The following CECR2 variants were observed in gnomAD, a reference collection of about 807,000 sequenced individuals.
The protein encoded by CECR2 is CECR2 histone acetyl-lysine reader.
CECR2 carries 30 observed loss-of-function variants against 154.5 expected under a neutral mutation model. The observed-to-expected ratio is 0.19, with a 90% CI of 0.15 to 0.26. The LOEUF (loss-of-function observed/expected upper bound fraction) is 0.26, where lower values mean the gene tolerates loss of function less well. Ranked by LOEUF, CECR2 falls within the 10% of genes least tolerant of loss-of-function variation. The pLI is 1.00. For missense variants in CECR2, 1,743 were observed against 1,829.3 expected (o/e 0.95, Z 0.86); for synonymous variants, 725 against 683.7 (o/e 1.06, Z -0.94).
At chr22:17,447,300 C>T (rs1049108303) in intron 1 of CECR2, among the ~76,000 whole-genome samples, 2 of 151,816 alleles carry the variant, frequency 1.3e-5, no homozygotes, top group Admixed American at 6.6e-5. Flanking sequence ...CTACAGGCAC[C>T]TGCCACCACG....
chr22:17,412,069 T>C (rs59565790), intron 1 of CECR2, among the ~76,000 whole-genome samples: 181 of 152,346 alleles, frequency 1.2e-3, no homozygotes, highest in African/African-American at 3.8e-3. Context: ...TAGTGGAGTG[T>C]GTAATCTCAA....
rs1353144518 is a variant in CECR2, at chr22:17,421,601, C to T, written c.126+51692C>T. ...CTGCACTCCAGCCTGGGCGACAGAG[C>T]GAGACTCCGTCTCAAAAAAAAAAAA... On this transcript the variant is annotated intron_variant, in intron 1 of 18. Transcript: ENST00000262608. 3.8e-5 allele frequency among the ~76,000 whole-genome samples: 4 copies of T among 103,982 alleles called. No homozygotes were observed. In the Admixed American group the frequency reaches 4.7e-4, roughly 12 times the overall value. The allele number at this position is 103,982 out of a possible 152,430, so 68.2% of individuals were successfully genotyped here.
At chr22:17,410,063 T>C (rs13058225) in intron 1 of CECR2, among the ~76,000 whole-genome samples, 14,000 of 51,554 alleles carry the variant, frequency 0.27, 4,570 homozygotes, top group African/African-American at 0.54. Flanking sequence ...CTCACTGCAA[T>C]CTCCACCTCC....
intron 4 of CECR2, 120 bp from the exon 5 acceptor site, chr22:17,500,511 T>A: frequency 1.4e-6 from 1 of 711,058 alleles, no homozygotes. Flanking sequence ...TGTTCCCTTT[T>A]CCTTTCACTG....
chr22:17,418,230 TTGTC>T (rs1429219508), intron 1 of CECR2, among the ~76,000 whole-genome samples: 1 of 152,218 alleles, frequency 6.6e-6, no homozygotes, highest in African/African-American at 2.4e-5. Context: ...ACAGATAAAT[TTGTC>T]TGTCCTGGAA....
chr22:17,379,610 G>A (rs538168986), intron 1 of CECR2, among the ~76,000 whole-genome samples: 1 of 151,920 alleles, frequency 6.6e-6, no homozygotes, highest in East Asian at 1.9e-4. Context: ...GTGTGTGTGT[G>A]TGTGTGTGTG....
chr22:17,459,256 C>A (rs963690354), intron 1 of CECR2, among the ~76,000 whole-genome samples: 2 of 152,144 alleles, frequency 1.3e-5, no homozygotes, highest in African/African-American at 4.8e-5. Flanking sequence ...GAAAAAAGAT[C>A]CAGAGCAAAG....
chr22:17,448,313 T>C (rs983444893), intron 1 of CECR2, among the ~76,000 whole-genome samples: 2 of 152,168 alleles, frequency 1.3e-5, no homozygotes, highest in African/African-American at 4.8e-5. Context: ...TTAGTTGATA[T>C]AAATAGTCTA....
intron 2 of CECR2, among the ~76,000 whole-genome samples, chr22:17,479,866 G>A (rs1003618658): frequency 1.3e-5 from 2 of 149,290 alleles, no homozygotes; most frequent in Non-Finnish European, 1.5e-5. Flanking sequence ...CTGGGCTCTA[G>A]CAGTCTTCCC....
chr22:17,426,644 A>G (rs2054335561), intron 1 of CECR2, among the ~76,000 whole-genome samples: 1 of 152,262 alleles, frequency 6.6e-6, no homozygotes, highest in Non-Finnish European at 1.5e-5. Flanking sequence ...GGCGTGAGCC[A>G]CTATGCCCGG....
upstream of CECR2, among the ~76,000 whole-genome samples, chr22:17,364,635 G>A (rs576315701): frequency 2.0e-5 from 3 of 152,038 alleles, no homozygotes; most frequent in East Asian, 1.9e-4. Flanking sequence ...CACAAGGTTC[G>A]GAGTTCCAGA....
chr22:17,399,416 ATTT>A (rs67470861), intron 1 of CECR2, among the ~76,000 whole-genome samples: 1,554 of 126,364 alleles, frequency 0.012, 25 homozygotes, highest in African/African-American at 0.043. Context: ...AGTAATGGTG[ATTT>A]TTTTTTTTTT....
At chr22:17,439,259 C>A in intron 1 of CECR2, among the ~76,000 whole-genome samples, 1 of 150,488 alleles carries the variant, frequency 6.6e-6, no homozygotes, top group African/African-American at 2.5e-5. Flanking sequence ...GCTCTGAGTG[C>A]CAGATAATTT....
intron 1 of CECR2, among the ~76,000 whole-genome samples, chr22:17,470,281 T>TA (rs1175087975): frequency 2.8e-5 from 4 of 144,312 alleles, no homozygotes; most frequent in Non-Finnish European, 4.5e-5. Flanking sequence ...CTACTAAAAA[T>TA]AAAAAAAATA....
At chr22:17,547,375 G>A (rs560530073) in intron 16 of CECR2, among the ~76,000 whole-genome samples, 2 of 152,056 alleles carry the variant, frequency 1.3e-5, no homozygotes, top group African/African-American at 2.4e-5. Flanking sequence ...GACTGCAGGT[G>A]CCGGCCACCA....
At chr22:17,479,087 A>G (rs2055260915) in intron 2 of CECR2, among the ~76,000 whole-genome samples, 1 of 152,232 alleles carries the variant, frequency 6.6e-6, no homozygotes, top group Non-Finnish European at 1.5e-5. Context: ...GGTAGCTGAC[A>G]AGTTATGTCT....
chr22:17,542,668 C>A lies in CECR2; in HGVS notation c.2525C>A (p.Pro842Gln). ...HGVPSSGYMR[P>Q]PCKSAGHRLQ... ...GTTCCTTCCTCAGGGTACATGCGACCGCCCTGCAAGTCTGCCGGACATCGG... is the reference window on the plus strand; with the variant it reads ...GTTCCTTCCTCAGGGTACATGCGACAGCCCTGCAAGTCTGCCGGACATCGG... Residue 842 changes from proline (P) to glutamine (Q), a missense_variant, in exon 16 of 19, where the codon CCG becomes CAG. Pro to Gln is a moderately conservative substitution (Grantham distance 76). Around this residue, in one of 4 missense-constraint regions of CECR2, gnomAD observed 1,250 missense variants for 1,192.1 expected, o/e 1.05. Coordinates refer to ENST00000262608, the MANE Select transcript of CECR2 (RefSeq NM_001290047.2). 1 of 1,614,010 alleles carries A rather than the reference C, an allele frequency of 6.2e-7. No individual in the cohort carries two copies. Among genetic ancestry groups the A allele is most frequent in the Non-Finnish European group, 8.5e-7 (1 of 1,179,898 alleles).
At chr22:17,420,383 T>C (rs1316618782) in intron 1 of CECR2, among the ~76,000 whole-genome samples, 1 of 152,192 alleles carries the variant, frequency 6.6e-6, no homozygotes, top group Non-Finnish European at 1.5e-5. Flanking sequence ...GCTTTGAAAA[T>C]GCCATATTCA....
chr22:17,521,310 G>A (rs2056153383), intron 8 of CECR2, among the ~76,000 whole-genome samples: 1 of 152,166 alleles, frequency 6.6e-6, no homozygotes, highest in African/African-American at 2.4e-5. Flanking sequence ...GGAGGCCAAG[G>A]CAGGAGGATC....
Sources: gnomAD v4.1 joint callset for allele counts (sites outside exome capture counted in the v4.1 genomes callset) on GRCh38, gnomAD v4.1.1 for gene constraint, gnomAD v4.1.1 regional missense constraint, MANE v1.5 for transcripts, NCBI Gene and HGNC (gene_info 2026-07-23, HGNC 2026-07-21) for gene names.